Variants in INTS8 observed in about 807,000 individuals in gnomAD.
The protein encoded by INTS8 is protein kaonashi-1.
In INTS8, 47 loss-of-function variants were observed where a neutral mutation model predicts 138.9. That is an observed-to-expected ratio of 0.34 (90% CI 0.27 to 0.43). INTS8 has a LOEUF of 0.43. INTS8 is among the 20% of genes least tolerant of loss of function. The pLI, the probability that INTS8 is intolerant of heterozygous loss-of-function variation, is 1.00. For synonymous variants in INTS8, 392 were observed against 400.9 expected, an observed-to-expected ratio of 0.98 and a Z score of 0.27; for missense variants, 996 against 1,173.0, an observed-to-expected ratio of 0.85 and a Z score of 2.20.
Position 94,823,320 on chromosome 8 carries a change from C to G in INTS8, c.-112C>G, listed in dbSNP as rs535288532. On this transcript the variant is annotated 5_prime_UTR_variant, in exon 1 of 27. Transcript: ENST00000523731. ...GGATTGTGTGAGTTTCCGGGACGTT[C>G]GGAGGGTGGCCTCTCTCCCACCGGG... The G allele has an allele frequency of 1.1e-5, 17 of 1,518,240 alleles. No individual in the cohort carries two copies. The African/African-American group carries it at 2.1e-4, about 18-fold the overall frequency. The allele number at this position is 1,518,240 out of a possible 1,614,324, so 94.0% of individuals were successfully genotyped here.
chr8:94,856,886 A>G lies in INTS8; in HGVS notation c.1862A>G (p.His621Arg). The G allele has an allele frequency of 6.2e-7, 1 of 1,614,106 alleles. No individual in the cohort carries two copies. The highest frequency in any genetic ancestry group is 1.6e-4 in the Middle Eastern group (1 of 6,062). The change falls in exon 15 of 27, where the codon CAT (histidine) becomes CGT (arginine). Residue 621 changes from histidine to arginine, a missense_variant. Physicochemically the swap from His to Arg is conservative, Grantham distance 29. Transcript: ENST00000523731. Reference sequence around the variant, plus strand: ...AATGAGATGTTGCTTTTGGATATTCATACACACGAAGCTGGGACAGGGCAG... The same window carrying G: ...AATGAGATGTTGCTTTTGGATATTCGTACACACGAAGCTGGGACAGGGCAG... ...MLNEMLLLDI[H>R]THEAGTGQAG...
intron 16 of INTS8, among the ~76,000 whole-genome samples, chr8:94,862,953 A>G (rs1253060780): frequency 6.6e-6 from 1 of 152,186 alleles, no homozygotes; most frequent in African/African-American, 2.4e-5. Flanking sequence ...AATGTTTTCT[A>G]TTCTGTTACA....
intron 4 of INTS8, 43 bp from the exon 5 acceptor site, chr8:94,828,932 G>T: frequency 7.6e-7 from 1 of 1,316,568 alleles, no homozygotes; most frequent in South Asian, 1.2e-5. Flanking sequence ...TTAGTCTTGA[G>T]AGTAACTTTT....
At chr8:94,828,582 A>AAT (rs1479268642) in intron 4 of INTS8, among the ~76,000 whole-genome samples, 5 of 152,204 alleles carry the variant, frequency 3.3e-5, no homozygotes, top group Non-Finnish European at 5.9e-5. Context: ...CATAGTTTCT[A>AAT]ACTTGATACA....
rs67211071 is a variant in INTS8 at position 94,828,045 on chromosome 8, G to GTTTT, written c.518+261_518+264dup. Among the ~76,000 whole-genome samples the GTTTT allele has an allele frequency of 4.9e-3, 689 of 141,882 alleles. 4 individuals are homozygous for GTTTT. Among genetic ancestry groups the GTTTT allele is most frequent in the South Asian group, 8.4e-3 (38 of 4,498 alleles). 93.1% of individuals were successfully genotyped at this position (141,882 alleles called of 152,430 possible). A position where few individuals can be genotyped will look rare whatever the true frequency, so the allele number is the denominator to read the frequency against. ...TGAAAGCAGTCAAGTTTTTTTTTTT[G>GTTTT]TTTTTTTTTTTTGAGATGGAGACTC... is the stretch of plus-strand genomic sequence containing the variant. On this transcript the variant is annotated intron_variant, in intron 4 of 26. Coordinates refer to ENST00000523731, the MANE Select transcript of INTS8 (RefSeq NM_017864.4).
intron 16 of INTS8, among the ~76,000 whole-genome samples, chr8:94,862,010 G>A (rs528445131): frequency 9.9e-5 from 15 of 151,488 alleles, no homozygotes; most frequent in African/African-American, 3.6e-4. Context: ...GCACAATCTC[G>A]GCTCATTGCA....
At chr8:94,869,290 C>T (rs1816301321) in intron 20 of INTS8, among the ~76,000 whole-genome samples, 1 of 151,378 alleles carries the variant, frequency 6.6e-6, no homozygotes, top group South Asian at 2.1e-4. Context: ...CCCAGTTTTG[C>T]ATTTTTTAAT....
intron 16 of INTS8, among the ~76,000 whole-genome samples, chr8:94,862,283 G>A (rs977630120): frequency 2.0e-5 from 3 of 152,150 alleles, no homozygotes; most frequent in African/African-American, 7.2e-5. Flanking sequence ...TGGCATGTGA[G>A]TTCTTAATAT....
intron 6 of INTS8, among the ~76,000 whole-genome samples, chr8:94,833,774 A>G (rs575201438): frequency 2.6e-5 from 4 of 152,146 alleles, no homozygotes; most frequent in East Asian, 1.9e-4. Flanking sequence ...TGGCATGACA[A>G]TGTTTTTCTT....
intron 18 of INTS8, chr8:94,866,811 T>C (rs1161369875): frequency 4.1e-6 from 1 of 241,424 alleles, no homozygotes; most frequent in Non-Finnish European, 7.9e-6. Context: ...TATTTACTTA[T>C]TGGACGTAAC....
Position 94,881,089 on chromosome 8 carries a change from A to G in INTS8, c.*855A>G. The G allele has an allele frequency of 2.5e-6, 1 of 397,484 alleles. No homozygotes were observed. Among genetic ancestry groups the G allele is most frequent in the Admixed American group, 4.4e-5 (1 of 22,728 alleles). 24.6% of individuals were successfully genotyped at this position (397,484 alleles called of 1,614,324 possible). The stretch of plus-strand genomic sequence containing the variant: ...CACCATTTGTAGAAATTCAAGTTTT[A>G]TAATAGCTTGCTATAGCAGCTATAG... On this transcript the variant is annotated 3_prime_UTR_variant, in exon 27 of 27. Transcript: ENST00000523731.
chr8:94,861,996 A>C (rs973448250), intron 16 of INTS8, among the ~76,000 whole-genome samples: 2 of 151,842 alleles, frequency 1.3e-5, no homozygotes, highest in African/African-American at 4.8e-5. Flanking sequence ...GCTGGAGTGC[A>C]CTGGCACAAT....
rs532589447 is a variant in INTS8 at position 94,847,893 on chromosome 8, A to G, written c.1261-1569A>G. On this transcript the variant is annotated intron_variant, in intron 10 of 26. Coordinates refer to ENST00000523731, the MANE Select transcript of INTS8 (RefSeq NM_017864.4). ...AGATATTTACATATGGCAGCAAAGA[A>G]ACAAAGTTATTAGAATGTAAGTGTA... Among the ~76,000 whole-genome samples the G allele has an allele frequency of 2.6e-5, 4 of 152,338 alleles. No individual in the cohort carries two copies. In the South Asian group the frequency reaches 6.2e-4, roughly 24 times the overall value.
At chr8:94,823,638 C>T in intron 1 of INTS8, 77 bp downstream of exon 1, 3 of 1,223,582 alleles carry the variant, frequency 2.5e-6, no homozygotes, top group Non-Finnish European at 3.3e-6. Flanking sequence ...CGCTCCCCGC[C>T]TTCTCGGTCA....
Position 94,851,653 on chromosome 8 carries a change from T to C in INTS8, c.1608T>C (p.Thr536=). Residue 536 remains threonine, a synonymous_variant, in exon 13 of 27, where the codon ACT becomes ACC. Coordinates refer to ENST00000523731, the MANE Select transcript of INTS8 (RefSeq NM_017864.4). The part of the protein sequence containing the change: ...RQILIELHGM[T]SERQFWTVSN... ...TTTTAATTGAATTACATGGTATGAC[T>C]TCAGAGCGCCAGTTCTGGACAGTGT... 2.5e-6 allele frequency: 4 copies of C among 1,603,218 alleles called. No individual in the cohort carries two copies. The highest frequency in any genetic ancestry group is 3.4e-6 in the Non-Finnish European group (4 of 1,176,396).
intron 3 of INTS8, 138 bp downstream of exon 3, chr8:94,827,541 A>C (rs937040446): frequency 8.6e-7 from 1 of 1,165,732 alleles, no homozygotes; most frequent in African/African-American, 1.5e-5. Flanking sequence ...CTAATGGTGG[A>C]GAAAATTTGT....
intron 16 of INTS8, among the ~76,000 whole-genome samples, chr8:94,864,322 G>T (rs550691517): frequency 2.0e-5 from 3 of 152,134 alleles, no homozygotes; most frequent in African/African-American, 7.2e-5. Context: ...GAAACCAGGG[G>T]TTCCTGATGG....
intron 1 of INTS8, among the ~76,000 whole-genome samples, chr8:94,824,580 C>CCAATT (rs1814410121): frequency 1.3e-5 from 2 of 152,080 alleles, no homozygotes; most frequent in African/African-American, 4.8e-5. Context: ...TGGTTATTTG[C>CCAATT]AGAACCAGAA....
intron 20 of INTS8, 101 bp from the exon 21 acceptor site, chr8:94,871,783 C>G: frequency 7.0e-6 from 5 of 718,938 alleles, no homozygotes; most frequent in South Asian, 6.4e-5. Context: ...TATTTATGTT[C>G]ACCTAAATCT....
Sources: gnomAD v4.1 joint callset for allele counts (sites outside exome capture counted in the v4.1 genomes callset) on GRCh38, gnomAD v4.1.1 for gene constraint, MANE v1.5 for transcripts, NCBI Gene and HGNC (gene_info 2026-07-23, HGNC 2026-07-21) for gene names.